Variants in TMEM164 observed in about 807,000 individuals in gnomAD.
TMEM164 encodes the protein RP13-360B22.2.
Under a neutral mutation model 18.8 loss-of-function variants are expected in TMEM164, and 4 were observed. That is an observed-to-expected ratio of 0.21 (90% CI 0.10 to 0.49). TMEM164 has a LOEUF of 0.49. Among genes scored for constraint, TMEM164 ranks in the 20% least tolerant of loss-of-function variants. The pLI, the probability that TMEM164 is intolerant of heterozygous loss-of-function variation, is 0.98. For missense variants in TMEM164, 108 were observed against 239.9 expected (o/e 0.45, Z 3.63); for synonymous variants, 86 against 101.7 (o/e 0.85, Z 0.93).
At chrX:110,135,217 C>T (rs1257940441) in intron 4 of TMEM164, among the ~76,000 whole-genome samples, 2 of 108,795 alleles carry the variant, frequency 1.8e-5, no homozygotes, top group Non-Finnish European at 3.8e-5. Context: ...AATACATATA[C>T]AAACTTATTC....
intron 2 of TMEM164, among the ~76,000 whole-genome samples, chrX:110,031,890 C>T (rs1465705872): frequency 1.9e-5 from 2 of 103,801 alleles, no homozygotes; most frequent in Non-Finnish European, 3.9e-5. Context: ...TATCATTATA[C>T]TTTAAGTTTT....
intron 4 of TMEM164, among the ~76,000 whole-genome samples, chrX:110,123,885 G>C (rs975125029): frequency 9.0e-6 from 1 of 111,699 alleles, no homozygotes; most frequent in African/African-American, 3.3e-5. Context: ...GCCGATGTGG[G>C]AGGGTCACTT....
At chrX:110,144,900 T>C (rs766932707) in intron 5 of TMEM164, 24 bp downstream of exon 5, 2 of 1,147,527 alleles carry the variant, frequency 1.7e-6, no homozygotes, top group Admixed American at 4.4e-5. Flanking sequence ...ACCACATTCC[T>C]ATGTAACCCC....
At chrX:110,101,151 G>A (rs1345850352) in intron 3 of TMEM164, among the ~76,000 whole-genome samples, 1 of 110,937 alleles carries the variant, frequency 9.0e-6, no homozygotes, top group Non-Finnish European at 1.9e-5. Flanking sequence ...ATTGATTGAT[G>A]TGTTCATTCT....
chrX:110,149,652 G>A (rs903823546), intron 5 of TMEM164, among the ~76,000 whole-genome samples: 2 of 111,792 alleles, frequency 1.8e-5, no homozygotes, highest in African/African-American at 3.3e-5. Context: ...CTGCTTTCAC[G>A]GTTTAACTAC....
chrX:110,088,626 T>C (rs2065885807), intron 3 of TMEM164, among the ~76,000 whole-genome samples: 1 of 111,917 alleles, frequency 8.9e-6, no homozygotes, highest in Admixed American at 9.5e-5. Context: ...TATTGTCAGG[T>C]TCTGCCTTCG....
At chrX:110,152,246 G>T (rs2066952997) in intron 5 of TMEM164, among the ~76,000 whole-genome samples, 1 of 109,144 alleles carries the variant, frequency 9.2e-6, no homozygotes, top group African/African-American at 3.3e-5. Context: ...AGTAGAGACG[G>T]GGTTTCACCA....
intron 4 of TMEM164, among the ~76,000 whole-genome samples, chrX:110,120,947 A>T (rs775236485): frequency 1.7e-4 from 19 of 112,127 alleles, no homozygotes; most frequent in Non-Finnish European, 3.4e-4. Flanking sequence ...CTGCCCTGCC[A>T]CTGGCTGGGG....
Position 110,176,451 on chromosome X carries a change from C to G in TMEM164, c.*3000C>G, listed in dbSNP as rs1194084773. On this transcript the variant is annotated 3_prime_UTR_variant, in exon 7 of 7. Transcript: ENST00000372068. ...CTCAGTCTCCCCAAGTCAGCAATCT[C>G]TTTCTCTCTCTCTCCTCAAACTTCA... 18 of 748,813 alleles carry G rather than the reference C, an allele frequency of 2.4e-5. No individual in the cohort carries two copies. The highest frequency in any genetic ancestry group is 2.8e-5 in the Non-Finnish European group (18 of 633,903). 61.7% of individuals were successfully genotyped at this position (748,813 alleles called of 1,213,427 possible).
chrX:110,032,480 T>A lies in TMEM164; in HGVS notation c.390+28316T>A, dbSNP rs143232720. On this transcript the variant is annotated intron_variant, in intron 2 of 6. Coordinates refer to ENST00000372068, the MANE Select transcript of TMEM164 (RefSeq NM_032227.4). ...TTGCAGTTCTAAAAGCTTAGTTAAT[T>A]GCCTTCATTAGCTTAATATATACCA... 9.9e-5 allele frequency among the ~76,000 whole-genome samples: 11 copies of A among 111,358 alleles called. No individual in the cohort carries two copies. In the East Asian group the frequency reaches 3.1e-3, roughly 31 times the overall value.
intron 2 of TMEM164, among the ~76,000 whole-genome samples, chrX:110,049,461 A>G (rs1247889836): frequency 3.6e-5 from 4 of 111,258 alleles, no homozygotes; most frequent in African/African-American, 1.3e-4. Context: ...CATGCAACCT[A>G]TATCCAAAGC....
intron 4 of TMEM164, among the ~76,000 whole-genome samples, chrX:110,136,267 G>C (rs2066689782): frequency 9.0e-6 from 1 of 111,250 alleles, no homozygotes; most frequent in Non-Finnish European, 1.9e-5. Context: ...GTCCCCTATT[G>C]ATGGTCATTT....
intron 5 of TMEM164, 69 bp from the exon 6 acceptor site, chrX:110,171,351 C>T: frequency 2.5e-6 from 2 of 786,782 alleles, no homozygotes; most frequent in Non-Finnish European, 3.8e-6. Context: ...TCAGTACCTG[C>T]ACCCTCATGG....
At chrX:110,168,011 C>G (rs1012246324) in intron 5 of TMEM164, among the ~76,000 whole-genome samples, 3 of 112,118 alleles carry the variant, frequency 2.7e-5, no homozygotes, top group African/African-American at 9.7e-5. Context: ...CACCCCCCAC[C>G]AACACCCACG....
chrX:110,056,860 G>C (rs1401239890), intron 2 of TMEM164, among the ~76,000 whole-genome samples: 2 of 110,394 alleles, frequency 1.8e-5, no homozygotes, highest in African/African-American at 6.6e-5. Flanking sequence ...TCTGTTCAAG[G>C]TTATTTATCT....
intron 3 of TMEM164, among the ~76,000 whole-genome samples, chrX:110,107,146 C>T: frequency 8.9e-6 from 1 of 111,980 alleles, no homozygotes; most frequent in South Asian, 3.7e-4. Context: ...GAAAGAGGAA[C>T]ATTCTAACCT....
In TMEM164 at chrX:110,102,212, G is replaced by T. The variant is rs1029046924; in HGVS notation, c.441-6868G>T. 5.5e-5 allele frequency among the ~76,000 whole-genome samples: 6 copies of T among 108,145 alleles called. No individual in the cohort carries two copies. The Admixed American group carries it at 6.0e-4, about 11-fold the overall frequency. 93.9% of individuals were successfully genotyped at this position (108,145 alleles called of 115,157 possible). On this transcript the variant is annotated intron_variant, in intron 3 of 6. Transcript: ENST00000372068. ...CAACACACCAAAAACTGGGCATAGT[G>T]GCAGGCACCTATAATCTCCTACTTG...
intron 3 of TMEM164, among the ~76,000 whole-genome samples, chrX:110,075,502 G>A (rs1229474329): frequency 2.7e-5 from 3 of 111,442 alleles, no homozygotes; most frequent in Non-Finnish European, 3.8e-5. Context: ...ATGTTGAATA[G>A]GAATGGTGAG....
chrX:110,048,901 G>C (rs1361485636), intron 2 of TMEM164, among the ~76,000 whole-genome samples: 2 of 111,637 alleles, frequency 1.8e-5, no homozygotes, highest in Non-Finnish European at 3.8e-5. Context: ...AGAGATGGCT[G>C]TTCATTATTC....
Sources: allele counts gnomAD v4.1 joint callset (sites outside exome capture counted in the v4.1 genomes callset), GRCh38; gene constraint gnomAD v4.1.1; transcripts MANE v1.5; gene names NCBI Gene and HGNC (gene_info 2026-07-23, HGNC 2026-07-21).